The following LRRC40 variants were observed in gnomAD, a reference collection of about 807,000 sequenced individuals.
LRRC40 encodes the protein leucine-rich repeat-containing protein 40.
A neutral mutation model predicts 72.8 loss-of-function variants in LRRC40; 76 were observed. The observed-to-expected ratio is 1.04, with a 90% CI of 0.87 to 1.26. The LOEUF (loss-of-function observed/expected upper bound fraction) is 1.26, where lower values mean the gene tolerates loss of function less well. Ranked by LOEUF, LRRC40 falls within the 50% of genes most tolerant of loss-of-function variation. LRRC40 has a pLI of 0.00. For synonymous variants in LRRC40, 243 were observed against 254.2 expected, an observed-to-expected ratio of 0.96 and a Z score of 0.42; for missense variants, 684 against 698.9, an observed-to-expected ratio of 0.98 and a Z score of 0.24.
intron 9 of LRRC40, among the ~76,000 whole-genome samples, chr1:70,167,230 T>TAAAAAA (rs376215808): frequency 7.9e-6 from 1 of 126,938 alleles, no homozygotes; most frequent in South Asian, 2.4e-4. Flanking sequence ...TAAAAAGTGT[T>TAAAAAA]AAAAAAAAAA....
intron 4 of LRRC40, among the ~76,000 whole-genome samples, chr1:70,184,014 T>C (rs12746078): frequency 6.6e-6 from 1 of 152,096 alleles, no homozygotes; most frequent in African/African-American, 2.4e-5. Context: ...TTTGGGAGGC[T>C]GAGGAGGGTG....
chr1:70,154,871 T>C (rs910801526), intron 11 of LRRC40, among the ~76,000 whole-genome samples: 2 of 152,100 alleles, frequency 1.3e-5, no homozygotes, highest in African/African-American at 4.8e-5. Flanking sequence ...ATTATCCCTA[T>C]TTCACAGGTG....
intron 7 of LRRC40, among the ~76,000 whole-genome samples, chr1:70,175,259 G>C (rs1668077933): frequency 6.6e-6 from 1 of 152,114 alleles, no homozygotes. Context: ...AAAAAGTCTA[G>C]AGTTTATCTT....
rs1459733063 is a variant in LRRC40, at chr1:70,205,370, G to A, written c.151+20C>T. ...GCTTTCTGACAGGAGACACAATAGG[G>A]TCGTACCTCTGGGTCTTACCTTCAC... On this transcript the variant is annotated intron_variant, in intron 1 of 14. Transcript: ENST00000370952. The A allele has an allele frequency of 6.4e-7, 1 of 1,563,812 alleles. No homozygotes were observed.
Position 70,159,387 on chromosome 1 carries a change from G to A in LRRC40, c.1163C>T (p.Pro388Leu). 1 of 1,597,690 alleles carries A rather than the reference G, an allele frequency of 6.3e-7. No individual in the cohort carries two copies. Among genetic ancestry groups the A allele is most frequent in the Admixed American group, 1.7e-5 (1 of 59,502 alleles). Residue 388 changes from proline to leucine, a missense_variant, in exon 10 of 15, where the codon CCA becomes CTA. Transcript: ENST00000370952. ...ATGTATATTGACTCTGGATTCACTTGGTAGTGTCATGGCAGTCTCAGTAGC... is the reference window on the plus strand; with the variant it reads ...ATGTATATTGACTCTGGATTCACTTAGTAGTGTCATGGCAGTCTCAGTAGC... ...ESATETAMTL[P>L]SESRVNIHAI...
chr1:70,183,041 A>G lies in LRRC40; in HGVS notation c.537+1744T>C, dbSNP rs269279. Among the ~76,000 whole-genome samples, 1,175 of 152,230 alleles carry G rather than the reference A, an allele frequency of 7.7e-3. 11 individuals carry two copies. Among genetic ancestry groups the G allele is most frequent in the African/African-American group, 0.027 (1,104 of 41,564 alleles). ...AAATCTGATGGCTTCCTCCTTTGCC[A>G]TTCATTTTATCTACCTATGCCTTTT... On this transcript the variant is annotated intron_variant, in intron 4 of 14. Coordinates refer to ENST00000370952, the MANE Select transcript of LRRC40 (RefSeq NM_017768.5).
At chr1:70,160,873 C>T (rs1667743134) in intron 9 of LRRC40, among the ~76,000 whole-genome samples, 1 of 151,168 alleles carries the variant, frequency 6.6e-6, no homozygotes, top group Non-Finnish European at 1.5e-5. Context: ...ATCAAAATTT[C>T]AAATTGAAAG....
chr1:70,203,156 G>C (rs1017806858), intron 1 of LRRC40, among the ~76,000 whole-genome samples: 1 of 151,860 alleles, frequency 6.6e-6, no homozygotes, highest in African/African-American at 2.4e-5. Flanking sequence ...CAATTTGCCA[G>C]AGTGCTGGGA....
intron 1 of LRRC40, among the ~76,000 whole-genome samples, chr1:70,190,876 G>A (rs1450896683): frequency 6.6e-6 from 1 of 151,742 alleles, no homozygotes; most frequent in Non-Finnish European, 1.5e-5. Context: ...TTCTGTTGGT[G>A]GATGGAGGTT....
At chr1:70,158,145 T>G (rs1667682235) in intron 10 of LRRC40, among the ~76,000 whole-genome samples, 1 of 145,360 alleles carries the variant, frequency 6.9e-6, no homozygotes, top group Non-Finnish European at 1.5e-5. Context: ...TGCCATGCTC[T>G]GTAAGAAAGA....
intron 6 of LRRC40, among the ~76,000 whole-genome samples, chr1:70,177,293 C>A (rs1429741821): frequency 3.3e-5 from 5 of 151,956 alleles, no homozygotes; most frequent in African/African-American, 9.7e-5. Flanking sequence ...ATAAATAAAT[C>A]AAAGATTCTG....
intron 9 of LRRC40, among the ~76,000 whole-genome samples, chr1:70,165,563 C>T (rs1475497308): frequency 6.6e-6 from 1 of 152,076 alleles, no homozygotes; most frequent in African/African-American, 2.4e-5. Context: ...CTCATTTTAC[C>T]AGCATCCTTT....
intron 7 of LRRC40, among the ~76,000 whole-genome samples, chr1:70,175,126 A>G (rs780600122): frequency 1.3e-5 from 2 of 152,140 alleles, no homozygotes; most frequent in Non-Finnish European, 2.9e-5. Flanking sequence ...GTAAAGGAAT[A>G]AAACAAAGAA....
At chr1:70,188,941 A>G in intron 2 of LRRC40, 151 bp downstream of exon 2, 1 of 584,966 alleles carries the variant, frequency 1.7e-6, no homozygotes, top group South Asian at 3.0e-5. Context: ...CTGATCCTGC[A>G]CTTTTAACCA....
chr1:70,157,359 C>T (rs1047540843), intron 10 of LRRC40, among the ~76,000 whole-genome samples: 6 of 152,050 alleles, frequency 3.9e-5, no homozygotes, highest in African/African-American at 1.2e-4. Flanking sequence ...AGCATTTATG[C>T]CTTGAGATTG....
Position 70,184,889 on chromosome 1 carries a change from C to G in LRRC40, c.433G>C (p.Glu145Gln), listed in dbSNP as rs546989871. ...VSHNKLKILP[E>Q]EITNLRNLKC... ...AGGTTTCTTAGGTTTGTAATTTCTTCAGGGAGTATTTTCAGTTTATTATGG... is the reference window on the plus strand; with the variant it reads ...AGGTTTCTTAGGTTTGTAATTTCTTGAGGGAGTATTTTCAGTTTATTATGG... Residue 145 changes from glutamate (E) to glutamine (Q), a missense_variant, in exon 4 of 15, where the codon GAA (glutamate) becomes CAA (glutamine). Glu to Gln is a conservative substitution (Grantham distance 29). Transcript: ENST00000370952. The G allele has an allele frequency of 6.2e-7, 1 of 1,606,374 alleles. No individual in the cohort carries two copies. The highest frequency in any genetic ancestry group is 8.5e-7 in the Non-Finnish European group (1 of 1,173,796).
chr1:70,159,205 A>G (rs997061762), intron 10 of LRRC40, 125 bp downstream of exon 10: 3 of 413,740 alleles, frequency 7.3e-6, no homozygotes, highest in Admixed American at 4.4e-5. Context: ...GCTCAAGCCT[A>G]TAATCCTAGC....
At chr1:70,199,611 T>G (rs1668693275) in intron 1 of LRRC40, among the ~76,000 whole-genome samples, 1 of 152,190 alleles carries the variant, frequency 6.6e-6, no homozygotes, top group Non-Finnish European at 1.5e-5. Flanking sequence ...TGATGAATAG[T>G]AAATATATTT....
chr1:70,199,685 G>GTA (rs1332401063), intron 1 of LRRC40, among the ~76,000 whole-genome samples: 10 of 152,200 alleles, frequency 6.6e-5, no homozygotes, highest in South Asian at 6.2e-4. Context: ...TAAGAACGTA[G>GTA]TATATAATAC....
Sources: allele counts gnomAD v4.1 joint callset (sites outside exome capture counted in the v4.1 genomes callset), GRCh38; gene constraint gnomAD v4.1.1; transcripts MANE v1.5; gene names NCBI Gene and HGNC (gene_info 2026-07-23, HGNC 2026-07-21).